The following GPHN variants were observed in gnomAD, a reference collection of about 807,000 sequenced individuals.
The protein encoded by GPHN is gephyrin.
GPHN carries 17 observed loss-of-function variants against 95.5 expected under a neutral mutation model. The ratio of observed to expected loss-of-function variants is 0.18; its 90% CI spans 0.12 to 0.27. The LOEUF (loss-of-function observed/expected upper bound fraction) is 0.27, where lower values mean the gene tolerates loss of function less well. GPHN is among the 10% of genes least tolerant of loss of function. GPHN has a pLI of 1.00. For missense variants in GPHN, 660 were observed against 978.1 expected, an observed-to-expected ratio of 0.67 and a Z score of 4.34; for synonymous variants, 320 against 322.5, an observed-to-expected ratio of 0.99 and a Z score of 0.08.
At position 67,023,581 on chromosome 14, in the gene GPHN, T is replaced by C. The variant is rs375416119; in HGVS notation, c.964-52T>C. The C allele has an allele frequency of 4.5e-5, 65 of 1,444,122 alleles. No individual in the cohort carries two copies. The African/African-American group carries it at 7.4e-4, about 16-fold the overall frequency. The allele number at this position is 1,444,122 out of a possible 1,614,324, so 89.5% of individuals were successfully genotyped here. Reference sequence around the variant, plus strand: ...AGCTTGCCCATTAAATATGCATATCTGCCTATTCATGCTATAAACCCTAAA... The same window carrying C: ...AGCTTGCCCATTAAATATGCATATCCGCCTATTCATGCTATAAACCCTAAA... On this transcript the variant is annotated intron_variant, in intron 9 of 22. Coordinates refer to ENST00000478722, the MANE Select transcript of GPHN (RefSeq NM_020806.5).
At chr14:66,818,584 A>G (rs2061072316) in intron 3 of GPHN, among the ~76,000 whole-genome samples, 1 of 152,078 alleles carries the variant, frequency 6.6e-6, no homozygotes, top group Non-Finnish European at 1.5e-5. Flanking sequence ...TGTCTTTATA[A>G]TATAATGATT....
chr14:67,724,433 G>T, the GPHN span: 8 of 1,226,728 alleles, frequency 6.5e-6, no homozygotes, highest in African/African-American at 1.5e-5. Flanking sequence ...GTGAGCTCGT[G>T]AAGGATGGTA....
intron 4 of GPHN, among the ~76,000 whole-genome samples, chr14:66,874,593 G>T (rs186673668): frequency 3.5e-4 from 53 of 152,090 alleles, no homozygotes; most frequent in African/African-American, 1.1e-3. Flanking sequence ...AACACAACAC[G>T]AAAACTTCAT....
chr14:67,380,973 T>G, the GPHN span, among the ~76,000 whole-genome samples: 1 of 152,176 alleles, frequency 6.6e-6, no homozygotes. Context: ...GTCTTGTGAG[T>G]TCAGCTAACC....
In GPHN at chr14:66,920,316, AG is replaced by A. The variant is rs1244932564; in HGVS notation, c.457-2347del. Among the ~76,000 whole-genome samples the A allele has an allele frequency of 2.6e-5, 4 of 152,110 alleles. No individual in the cohort carries two copies. The East Asian group carries it at 7.8e-4, about 30-fold the overall frequency. ...TCTTGGGGAGGAGGGGATGGAAAAGAGGGTAGTATACAAGTTTTTAGAATGT... is the reference window on the plus strand; with the variant it reads ...TCTTGGGGAGGAGGGGATGGAAAAGAGGTAGTATACAAGTTTTTAGAATGT... On this transcript the variant is annotated intron_variant, in intron 6 of 22. Coordinates refer to ENST00000478722, the MANE Select transcript of GPHN (RefSeq NM_020806.5).
chr14:67,014,723 A>G (rs529007119), intron 9 of GPHN, among the ~76,000 whole-genome samples: 9 of 152,350 alleles, frequency 5.9e-5, no homozygotes, highest in African/African-American at 1.7e-4. Context: ...ATAATCAGTT[A>G]TTCATCTTAA....
chr14:66,976,134 T>A (rs1206587794), intron 9 of GPHN, among the ~76,000 whole-genome samples: 3 of 152,208 alleles, frequency 2.0e-5, no homozygotes, highest in Non-Finnish European at 4.4e-5. Flanking sequence ...AGACAGAGAT[T>A]ATTAACAGAA....
At chr14:67,688,911 C>T in the GPHN span, among the ~76,000 whole-genome samples, 1 of 152,172 alleles carries the variant, frequency 6.6e-6, no homozygotes, top group Non-Finnish European at 1.5e-5. Context: ...TAACCCAGTG[C>T]ACGGAACAAC....
chr14:67,388,129 G>A, the GPHN span: 17,259 of 773,260 alleles, frequency 0.022, 265 homozygotes, highest in Middle Eastern at 0.029. Context: ...AGCCCTGCTC[G>A]GCTCCCAAAG....
At chr14:67,705,404 A>G in the GPHN span, among the ~76,000 whole-genome samples, 2 of 152,240 alleles carry the variant, frequency 1.3e-5, no homozygotes, top group Admixed American at 6.5e-5. Context: ...GAAATTTTCA[A>G]TAAGATTTGA....
chr14:67,674,040 A>G, the GPHN span, among the ~76,000 whole-genome samples: 1 of 152,212 alleles, frequency 6.6e-6, no homozygotes, highest in Non-Finnish European at 1.5e-5. Flanking sequence ...TAGTGCTTTT[A>G]AATGCATAAA....
chr14:67,351,397 CATA>C, the GPHN span, among the ~76,000 whole-genome samples: 1 of 152,148 alleles, frequency 6.6e-6, no homozygotes, highest in Non-Finnish European at 1.5e-5. Flanking sequence ...GAAAATGTGG[CATA>C]ATATTTTCTT....
chr14:67,228,577 C>T, the GPHN span: 1 of 152,188 alleles, frequency 6.6e-6, no homozygotes, highest in African/African-American at 2.4e-5. Context: ...AACCTAATTT[C>T]ATAAATCTTA....
At chr14:67,190,068 A>ATTTTTTTTTTT in the GPHN span, among the ~76,000 whole-genome samples, 7 of 115,440 alleles carry the variant, frequency 6.1e-5, no homozygotes, top group Non-Finnish European at 1.1e-4. Flanking sequence ...TGCCCAGCTA[A>ATTTTTTTTTTT]TTTTTTTTTT....
At chr14:67,160,236 A>G (rs1358090867) in intron 19 of GPHN, among the ~76,000 whole-genome samples, 1 of 152,140 alleles carries the variant, frequency 6.6e-6, no homozygotes, top group Non-Finnish European at 1.5e-5. Flanking sequence ...TTCCTGATGA[A>G]TGGATTTGGC....
the GPHN span, chr14:67,189,823 C>G: frequency 7.0e-6 from 1 of 143,692 alleles, no homozygotes; most frequent in Non-Finnish European, 1.5e-5. Flanking sequence ...AGCATGTTTT[C>G]TGGATTTTTT....
At chr14:66,603,202 A>G (rs2062342508) in intron 1 of GPHN, among the ~76,000 whole-genome samples, 1 of 151,982 alleles carries the variant, frequency 6.6e-6, no homozygotes, top group Admixed American at 6.6e-5. Flanking sequence ...TTTAACTTTT[A>G]GATTACAAAA....
At chr14:66,828,259 G>T (rs1207873218) in intron 4 of GPHN, among the ~76,000 whole-genome samples, 1 of 151,760 alleles carries the variant, frequency 6.6e-6, no homozygotes, top group East Asian at 1.9e-4. Flanking sequence ...ATCAATATAG[G>T]CCCACTAAAA....
intron 3 of GPHN, among the ~76,000 whole-genome samples, chr14:66,791,997 G>T (rs1488571061): frequency 6.6e-6 from 1 of 152,154 alleles, no homozygotes; most frequent in Non-Finnish European, 1.5e-5. Context: ...TTGTGCAGGG[G>T]AACTCCCATT....
Sources: allele counts gnomAD v4.1 joint callset (sites outside exome capture counted in the v4.1 genomes callset), GRCh38; gene constraint gnomAD v4.1.1; transcripts MANE v1.5; gene names NCBI Gene and HGNC (gene_info 2026-07-23, HGNC 2026-07-21).